The following NUTF2 variants were observed in gnomAD, a reference collection of about 807,000 sequenced individuals.
NUTF2 encodes nuclear transport factor 2.
NUTF2 carries 3 observed loss-of-function variants against 18.5 expected under a neutral mutation model. That is an observed-to-expected ratio of 0.16 (90% CI 0.07 to 0.42). NUTF2 has a LOEUF of 0.42. Ranked by LOEUF, NUTF2 falls within the 10% of genes least tolerant of loss-of-function variation. The pLI, the probability that NUTF2 is intolerant of heterozygous loss-of-function variation, is 0.99. For missense variants in NUTF2, 44 were observed against 160.7 expected, an observed-to-expected ratio of 0.27 and a Z score of 3.93; for synonymous variants, 51 against 57.9, an observed-to-expected ratio of 0.88 and a Z score of 0.54.
chr16:67,853,508 C>A (rs2057875006), intron 1 of NUTF2, among the ~76,000 whole-genome samples: 2 of 152,108 alleles, frequency 1.3e-5, no homozygotes, highest in Non-Finnish European at 2.9e-5. Context: ...CTGGCTCCTG[C>A]CACCATGCTT....
intron 1 of NUTF2, among the ~76,000 whole-genome samples, chr16:67,859,267 C>T (rs999502575): frequency 2.0e-5 from 3 of 152,130 alleles, no homozygotes; most frequent in South Asian, 4.1e-4. Context: ...GCAACCTCCA[C>T]CTCTCAGGTT....
intron 1 of NUTF2, among the ~76,000 whole-genome samples, chr16:67,858,805 G>A (rs2057915086): frequency 6.6e-6 from 1 of 152,020 alleles, no homozygotes; most frequent in Non-Finnish European, 1.5e-5. Flanking sequence ...TAAAATCGGG[G>A]GACTTCCAGA....
intron 1 of NUTF2, among the ~76,000 whole-genome samples, chr16:67,852,748 C>T (rs574504901): frequency 2.0e-5 from 3 of 152,156 alleles, no homozygotes; most frequent in East Asian, 1.9e-4. Context: ...GGCGTGATCT[C>T]GGCTCACTGC....
At chr16:67,863,784 CAT>C (rs1301550176) in intron 1 of NUTF2, among the ~76,000 whole-genome samples, 4 of 152,208 alleles carry the variant, frequency 2.6e-5, no homozygotes, top group Non-Finnish European at 4.4e-5. Context: ...CACAGAAAAA[CAT>C]GTGGGTCTGC....
chr16:67,863,919 G>A (rs1265286757), intron 1 of NUTF2, among the ~76,000 whole-genome samples: 1 of 152,200 alleles, frequency 6.6e-6, no homozygotes, highest in Non-Finnish European at 1.5e-5. Flanking sequence ...ATGGTCTCTA[G>A]TTGGGAGGGG....
rs201436686 is a variant in NUTF2 at position 67,870,790 on chromosome 16, C to G, written c.271-10C>G. On this transcript the variant is annotated splice_polypyrimidine_tract_variant and intron_variant, in intron 4 of 4. Coordinates refer to ENST00000219169, the MANE Select transcript of NUTF2 (RefSeq NM_005796.3). ...ATCCCCTTACTGAATCCTCTTTTCT[C>G]TCCTCATAGGCGGATGAAGACCCCA... 4.8e-5 allele frequency: 77 copies of G among 1,601,844 alleles called. No homozygotes were observed. The highest frequency in any genetic ancestry group is 1.3e-4 in the Admixed American group (8 of 59,968).
intron 1 of NUTF2, among the ~76,000 whole-genome samples, chr16:67,855,266 C>T (rs1163682471): frequency 6.6e-6 from 1 of 152,148 alleles, no homozygotes; most frequent in Non-Finnish European, 1.5e-5. Context: ...AGTGTGCCCT[C>T]CTGGGCAGAA....
rs958426301 is a variant in NUTF2, at chr16:67,871,722, G to A, written c.*809G>A. On this transcript the variant is annotated 3_prime_UTR_variant, in exon 5 of 5. Coordinates refer to ENST00000219169, the MANE Select transcript of NUTF2 (RefSeq NM_005796.3). ...ACGTTCAGGCCCTCCGGGCTGAGTT[G>A]TCAGCAGTATCAAGGGAGGGGCCTG... 2.6e-5 allele frequency: 4 copies of A among 152,286 alleles called. No homozygotes were observed. The highest frequency in any genetic ancestry group is 5.9e-5 in the Non-Finnish European group (4 of 68,100). 9.4% of individuals were successfully genotyped at this position (152,286 alleles called of 1,614,324 possible).
chr16:67,847,208 G>C (rs2057809747), intron 1 of NUTF2: 1 of 151,986 alleles, frequency 6.6e-6, no homozygotes. Context: ...CCAGCCGGGC[G>C]CCTATCTGGG....
At chr16:67,864,509 CAAAAAAAAAA>C (rs572931294) in intron 1 of NUTF2, among the ~76,000 whole-genome samples, 1 of 53,084 alleles carries the variant, frequency 1.9e-5, no homozygotes, top group Non-Finnish European at 4.5e-5. Flanking sequence ...AACTCTGTCT[CAAAAAAAAAA>C]AAAAAAAAAA....
intron 4 of NUTF2, among the ~76,000 whole-genome samples, chr16:67,869,365 G>A (rs1375789577): frequency 3.3e-5 from 5 of 151,260 alleles, no homozygotes; most frequent in South Asian, 2.1e-4. Context: ...GATTATAGGC[G>A]TGAGCCACCT....
At chr16:67,855,836 A>G (rs571220174) in intron 1 of NUTF2, 45 of 342,434 alleles carry the variant, frequency 1.3e-4, no homozygotes, top group Non-Finnish European at 2.2e-4. Flanking sequence ...CTGATTTCAT[A>G]GGGGAAGACA....
Position 67,870,922 on chromosome 16 carries a change from C to G in NUTF2, c.*9C>G. 2 of 1,589,934 alleles carry G rather than the reference C, an allele frequency of 1.3e-6. No homozygotes were observed. The highest frequency in any genetic ancestry group is 1.7e-6 in the Non-Finnish European group (2 of 1,157,908). On this transcript the variant is annotated 3_prime_UTR_variant, in exon 5 of 5. Coordinates refer to ENST00000219169, the MANE Select transcript of NUTF2 (RefSeq NM_005796.3). ...TGCACAACTTTGGCTGACCTCCTCT[C>G]AGCTAGGCACTCACGCTGTTTCCTC... is the stretch of plus-strand genomic sequence containing the variant.
intron 1 of NUTF2, among the ~76,000 whole-genome samples, chr16:67,856,736 C>T (rs911895834): frequency 4.0e-5 from 6 of 150,708 alleles, no homozygotes; most frequent in African/African-American, 1.5e-4. Flanking sequence ...TCTCAAACTC[C>T]TGACCTTAGG....
intron 1 of NUTF2, among the ~76,000 whole-genome samples, chr16:67,857,591 T>TA (rs2057906326): frequency 6.6e-6 from 1 of 152,206 alleles, no homozygotes; most frequent in South Asian, 2.1e-4. Context: ...ACTGACTCCT[T>TA]ACAGCTGGGT....
intron 1 of NUTF2, among the ~76,000 whole-genome samples, chr16:67,861,136 G>A (rs1034863048): frequency 5.3e-5 from 8 of 152,160 alleles, no homozygotes; most frequent in African/African-American, 1.9e-4. Flanking sequence ...CTCCAAATCT[G>A]GTCAGTCCAA....
chr16:67,869,511 C>T (rs572671301), intron 4 of NUTF2, among the ~76,000 whole-genome samples: 50 of 149,558 alleles, frequency 3.3e-4, no homozygotes, highest in African/African-American at 1.1e-3. Context: ...CTGGGCTGGG[C>T]GCGGTGGCTC....
chr16:67,855,944 G>T, intron 1 of NUTF2: 1 of 975,600 alleles, frequency 1.0e-6, no homozygotes, highest in Non-Finnish European at 1.5e-6. Context: ...GGAGTGGGCA[G>T]ATGTCCAGCC....
intron 1 of NUTF2, among the ~76,000 whole-genome samples, chr16:67,864,330 G>T (rs1423191583): frequency 6.6e-6 from 1 of 152,090 alleles, no homozygotes; most frequent in Non-Finnish European, 1.5e-5. Flanking sequence ...GGCCAACATG[G>T]TGAAATCCCA....
Sources: allele counts gnomAD v4.1 joint callset (sites outside exome capture counted in the v4.1 genomes callset), GRCh38; gene constraint gnomAD v4.1.1; transcripts MANE v1.5; gene names NCBI Gene and HGNC (gene_info 2026-07-23, HGNC 2026-07-21).